Variants in NAV1 observed in about 807,000 individuals in gnomAD.
NAV1 encodes neuron navigator 1, also known as pore membrane and/or filament interacting like protein 3.
A neutral mutation model predicts 175.2 loss-of-function variants in NAV1; 18 were observed. That is an observed-to-expected ratio of 0.10 (90% confidence interval 0.07 to 0.15). The LOEUF (loss-of-function observed/expected upper bound fraction) is 0.15, where lower values mean the gene tolerates loss of function less well. Among genes scored for constraint, NAV1 ranks in the 10% least tolerant of loss-of-function variants. NAV1 has a pLI of 1.00. For missense variants in NAV1, 1,731 were observed against 2,436.6 expected (o/e 0.71, Z 6.10); for synonymous variants, 897 against 978.7 (o/e 0.92, Z 1.56).
intron 3 of NAV1, chr1:201,724,407 G>A (rs1469352801): frequency 6.6e-6 from 1 of 152,216 alleles, no homozygotes; most frequent in Non-Finnish European, 1.5e-5. Flanking sequence ...ATGGGAGGAG[G>A]TCAGAGGGCC....
Position 201,718,569 on chromosome 1 carries a change from T to A in NAV1, c.1040T>A (p.Met347Lys). Residue 347 changes from methionine (M) to lysine (K), a missense_variant, in exon 3 of 30, where the codon ATG becomes AAG. This residue lies in a region of NAV1 where 487 missense variants were observed against 581.3 expected (regional missense o/e 0.84). Transcript: ENST00000367296. This position sits in a 1 kb window ranked among gnomAD's most constrained non-coding sequence, Gnocchi z 4.8. ...TCGGAGGGGACGCCCGCCTGGTACA[T>A]GCACGGCGAACGGGCCCACTACTCC... 6.2e-7 allele frequency: 1 copy of A among 1,614,048 alleles called. No individual in the cohort carries two copies.
intron 3 of NAV1, chr1:201,723,235 G>C (rs1672466193): frequency 6.6e-6 from 1 of 152,182 alleles, no homozygotes; most frequent in Non-Finnish European, 1.5e-5. Context: ...ATCTTCTTTG[G>C]AGAGATATCT....
At chr1:201,620,263 A>T (rs892203573), upstream of NAV1, among the ~76,000 whole-genome samples, 15 of 152,170 alleles carry the variant, frequency 9.9e-5, no homozygotes, top group African/African-American at 3.4e-4. Flanking sequence ...AGAACCGGCC[A>T]TGCTTTGGTG....
chr1:201,547,079 C>T (rs553972566), intron 1 of NAV1, among the ~76,000 whole-genome samples: 34 of 151,446 alleles, frequency 2.2e-4, no homozygotes, highest in African/African-American at 6.8e-4. Flanking sequence ...CTCCGTCTCC[C>T]GGGTTCAAGC....
chr1:201,700,840 T>A (rs192931228), intron 1 of NAV1, among the ~76,000 whole-genome samples: 4,075 of 151,190 alleles, frequency 0.027, 73 homozygotes, highest in Non-Finnish European at 0.045. Context: ...TGAAACCCCG[T>A]CTCTAATAAA....
intron 3 of NAV1, among the ~76,000 whole-genome samples, chr1:201,767,729 C>T (rs1675306756): frequency 6.6e-6 from 1 of 152,052 alleles, no homozygotes; most frequent in African/African-American, 2.4e-5. Context: ...AAGGAGTCCA[C>T]TTGCTGCAGG....
At chr1:201,622,952 G>C (rs772813188) in exon 1 of NAV1, 92 of 986,192 alleles carry the variant, frequency 9.3e-5, no homozygotes, top group Non-Finnish European at 1.1e-4. Context: ...CCGGTGCCTC[G>C]TGCCTCTTCC....
chr1:201,769,607 A>G (rs769226067), intron 3 of NAV1, among the ~76,000 whole-genome samples: 31 of 152,202 alleles, frequency 2.0e-4, no homozygotes, highest in Non-Finnish European at 3.7e-4. Flanking sequence ...TTTGTGGCCA[A>G]ATAGCTTCCT....
chr1:201,556,023 A>G (rs1158539434), intron 1 of NAV1, among the ~76,000 whole-genome samples: 1 of 152,320 alleles, frequency 6.6e-6, no homozygotes, highest in Non-Finnish European at 1.5e-5. Flanking sequence ...TGAAAATGCC[A>G]CATTCATTAA....
Position 201,718,839 on chromosome 1 carries a change from CA to C in NAV1, c.1226+88del. ...GACGCCTTAAAAGTGGAGTGGAACCCAAAACGGGTTTTGGTTTGCTGTGCTG... is the reference window on the plus strand; with the variant it reads ...GACGCCTTAAAAGTGGAGTGGAACCCAAACGGGTTTTGGTTTGCTGTGCTG... On this transcript the variant is annotated intron_variant, in intron 3 of 29. Coordinates refer to ENST00000367296, the Ensembl canonical transcript of NAV1. The surrounding 1 kb of genome is among the most constrained non-coding windows in gnomAD (Gnocchi z 4.8). 1 of 1,517,636 alleles carries C rather than the reference CA, an allele frequency of 6.6e-7. No individual in the cohort carries two copies. Among genetic ancestry groups the C allele is most frequent in the Non-Finnish European group, 8.9e-7 (1 of 1,124,010 alleles). The allele number at this position is 1,517,636 out of a possible 1,614,324, so 94.0% of individuals were successfully genotyped here. A position where few individuals can be genotyped will look rare whatever the true frequency, so the allele number is the denominator to read the frequency against.
intron 1 of NAV1, among the ~76,000 whole-genome samples, chr1:201,553,913 C>T (rs191919287): frequency 4.6e-5 from 7 of 152,298 alleles, no homozygotes; most frequent in South Asian, 2.1e-4. Context: ...CCTTTCATTG[C>T]GGTAGGATTC....
chr1:201,771,500 GAAAAAAA>G (rs55864064), intron 3 of NAV1, among the ~76,000 whole-genome samples: 18 of 86,838 alleles, frequency 2.1e-4, no homozygotes, highest in African/African-American at 3.0e-4. Flanking sequence ...ACTTCGTCTA[GAAAAAAA>G]AAAAAAAAAA....
chr1:201,702,934 A>G (rs1450016203), intron 1 of NAV1, among the ~76,000 whole-genome samples: 1 of 152,182 alleles, frequency 6.6e-6, no homozygotes, highest in Non-Finnish European at 1.5e-5. Context: ...AAATGGGCTA[A>G]TATACATAAA....
chr1:201,696,753 C>T (rs1272953326), intron 1 of NAV1, among the ~76,000 whole-genome samples: 1 of 152,180 alleles, frequency 6.6e-6, no homozygotes, highest in Admixed American at 6.5e-5. Flanking sequence ...TCAGAGAAGA[C>T]TGGGATTCAG....
At chr1:201,556,529 G>A (rs1031362861) in intron 1 of NAV1, among the ~76,000 whole-genome samples, 4 of 152,192 alleles carry the variant, frequency 2.6e-5, no homozygotes, top group African/African-American at 9.7e-5. Context: ...TGGAGGGGCA[G>A]GAAGGGCCTC....
At chr1:201,629,463 A>G in exon 2 of NAV1, 8 of 1,304,334 alleles carry the variant, frequency 6.1e-6, no homozygotes, top group South Asian at 2.5e-5. Flanking sequence ...CTTGATGGCT[A>G]TGCTGAGCCC....
chr1:201,602,542 C>G (rs374357115), intron 2 of NAV1, among the ~76,000 whole-genome samples: 1 of 151,202 alleles, frequency 6.6e-6, no homozygotes, highest in Non-Finnish European at 1.5e-5. Context: ...AGGGTTCCAC[C>G]GTGTTGGCCA....
chr1:201,813,228 T>C lies in NAV1; in HGVS notation c.5310T>C (p.Tyr1770=), dbSNP rs1410788808. Residue 1770 remains tyrosine, a synonymous_variant, in exon 28 of 30, where the codon TAT becomes TAC. Transcript: ENST00000367296. The surrounding 1 kb of genome is among the most constrained non-coding windows in gnomAD (Gnocchi z 4.2). ...TGTGGAACAACTCTATCATTCCCTA[T>C]CTACAGGAAGGAGCCAAGGATGGGA... The C allele has an allele frequency of 1.2e-6, 2 of 1,613,954 alleles. No individual in the cohort carries two copies. Among genetic ancestry groups the C allele is most frequent in the Admixed American group, 3.3e-5 (2 of 60,012 alleles).
At chr1:201,722,603 T>C (rs1406367846) in intron 3 of NAV1, among the ~76,000 whole-genome samples, 1 of 152,174 alleles carries the variant, frequency 6.6e-6, no homozygotes, top group East Asian at 1.9e-4. Flanking sequence ...TCGGTTCTTT[T>C]TGGGTATATA....
Sources: gnomAD v4.1 joint callset for allele counts (sites outside exome capture counted in the v4.1 genomes callset) on GRCh38, gnomAD v4.1.1 for gene constraint, gnomAD v4.1.1 regional missense constraint, Gnocchi (gnomAD v3.1) non-coding constraint, MANE v1.5 for transcripts, NCBI Gene and HGNC (gene_info 2026-07-23, HGNC 2026-07-21) for gene names.